PPP1R3B: variants seen among roughly 807,000 people sequenced by gnomAD.
PPP1R3B encodes protein phosphatase 1 regulatory subunit 3B.
In PPP1R3B, 8 loss-of-function variants were observed where a neutral mutation model predicts 14.6. The observed-to-expected ratio is 0.55, with a 90% CI of 0.32 to 0.99. The LOEUF (loss-of-function observed/expected upper bound fraction) is 0.99, where lower values mean the gene tolerates loss of function less well. Among genes scored for constraint, PPP1R3B ranks in the 50% least tolerant of loss-of-function variants. The probability of loss-of-function intolerance (pLI) is 0.04; values close to 1 mark genes in which losing one functional copy is unlikely to be tolerated. For missense variants in PPP1R3B, 452 were observed against 360.1 expected, an observed-to-expected ratio of 1.26 and a Z score of -2.07; for synonymous variants, 169 against 142.0, an observed-to-expected ratio of 1.19 and a Z score of -1.35.
chr8:9,136,961 C>G lies in PPP1R3B; in HGVS notation c.*3833G>C, dbSNP rs1003819652. 2 of 152,094 alleles carry G rather than the reference C, an allele frequency of 1.3e-5. No individual in the cohort carries two copies. The highest frequency in any genetic ancestry group is 4.8e-5 in the African/African-American group (2 of 41,406). 9.4% of individuals were successfully genotyped at this position (152,094 alleles called of 1,614,324 possible). A position where few individuals can be genotyped will look rare whatever the true frequency, so the allele number is the denominator to read the frequency against. ...TAATGTCCATGACTACAACTAATGC[C>G]TTTTTTCAAAAAGAAAATGGTTTGA... On this transcript the variant is annotated 3_prime_UTR_variant, in exon 2 of 2. Coordinates refer to ENST00000310455, the MANE Select transcript of PPP1R3B (RefSeq NM_024607.4).
chr8:9,149,219 G>A (rs1436408783), intron 1 of PPP1R3B, among the ~76,000 whole-genome samples: 7 of 132,952 alleles, frequency 5.3e-5, no homozygotes, highest in African/African-American at 2.0e-4. Context: ...GGCAAAAAAA[G>A]GCCGGGCGTG....
intron 1 of PPP1R3B, among the ~76,000 whole-genome samples, chr8:9,143,701 A>C (rs963741225): frequency 2.6e-5 from 4 of 151,776 alleles, no homozygotes; most frequent in African/African-American, 9.7e-5. Flanking sequence ...GTCTCAAAAA[A>C]AATAAAAATA....
intron 1 of PPP1R3B, among the ~76,000 whole-genome samples, chr8:9,142,664 C>G (rs1392269792): frequency 6.6e-6 from 1 of 152,110 alleles, no homozygotes; most frequent in African/African-American, 2.4e-5. Context: ...AAGGATACCT[C>G]TCCAGTCCCT....
In PPP1R3B at chr8:9,141,555, G is replaced by A. The variant is rs1482514765; in HGVS notation, c.97C>T (p.Pro33Ser). The change falls in exon 2 of 2, where the codon CCA becomes TCA. Residue 33 changes from proline to serine, a missense_variant. Pro to Ser is a moderately conservative substitution (Grantham distance 74). Transcript: ENST00000310455. ...CTCAGCTGAATACAAGGCCTCAGTG[G>A]TTTGCTGGGCTTTGGTGAGATCTTA... ...AFKISPKPSK[P>S]LRPCIQLSSK... 6.2e-7 allele frequency: 1 copy of A among 1,614,162 alleles called. No individual in the cohort carries two copies.
In PPP1R3B at chr8:9,139,844, C is replaced by G. The variant is rs1416497855; in HGVS notation, c.*950G>C. The G allele has an allele frequency of 1.3e-5, 2 of 152,230 alleles. No individual in the cohort carries two copies. The highest frequency in any genetic ancestry group is 4.8e-5 in the African/African-American group (2 of 41,446). 9.4% of individuals were successfully genotyped at this position (152,230 alleles called of 1,614,324 possible). ...GATTACAGGCATAAGCCACCGCGCCCGGCCCCAAAATTCTTTCATAAAGAA... is the reference window on the plus strand; with the variant it reads ...GATTACAGGCATAAGCCACCGCGCCGGGCCCCAAAATTCTTTCATAAAGAA... On this transcript the variant is annotated 3_prime_UTR_variant, in exon 2 of 2. Coordinates refer to ENST00000310455, the MANE Select transcript of PPP1R3B (RefSeq NM_024607.4).
intron 1 of PPP1R3B, among the ~76,000 whole-genome samples, chr8:9,144,742 G>C (rs911289784): frequency 9.2e-5 from 14 of 152,024 alleles, no homozygotes; most frequent in African/African-American, 3.4e-4. Flanking sequence ...TATTTTTACT[G>C]TTGTTATTTT....
intron 1 of PPP1R3B, among the ~76,000 whole-genome samples, chr8:9,148,471 G>C (rs1801308178): frequency 6.6e-6 from 1 of 152,196 alleles, no homozygotes; most frequent in African/African-American, 2.4e-5. Flanking sequence ...TGCAGGATAG[G>C]AATGAGTGTA....
rs1348382643 is a variant in PPP1R3B at position 9,139,873 on chromosome 8, G to C, written c.*921C>G. On this transcript the variant is annotated 3_prime_UTR_variant, in exon 2 of 2. Transcript: ENST00000310455. Reference sequence around the variant, plus strand: ...CCCAAAATTCTTTCATAAAGAATGAGACAAACCAGCCAAGCACGTTAAAGT... The same window carrying C: ...CCCAAAATTCTTTCATAAAGAATGACACAAACCAGCCAAGCACGTTAAAGT... 5 of 152,192 alleles carry C rather than the reference G, an allele frequency of 3.3e-5. No individual in the cohort carries two copies. Among genetic ancestry groups the C allele is most frequent in the Non-Finnish European group, 7.3e-5 (5 of 68,062 alleles). The allele number at this position is 152,192 out of a possible 1,614,324, so 9.4% of individuals were successfully genotyped here.
intron 1 of PPP1R3B, among the ~76,000 whole-genome samples, chr8:9,142,122 G>A (rs1801110012): frequency 6.6e-6 from 1 of 152,228 alleles, no homozygotes; most frequent in African/African-American, 2.4e-5. Context: ...TTTAGAGATA[G>A]GGTGTTGCTC....
At chr8:9,143,012 G>A (rs1801134154) in intron 1 of PPP1R3B, among the ~76,000 whole-genome samples, 1 of 152,126 alleles carries the variant, frequency 6.6e-6, no homozygotes, top group South Asian at 2.1e-4. Context: ...CAATTCCTTT[G>A]GATATATGTC....
At position 9,136,588 on chromosome 8, in the gene PPP1R3B, C is replaced by T. The variant is rs1184826025; in HGVS notation, c.*4206G>A. The stretch of plus-strand genomic sequence containing the variant: ...CGGCTTTACAATGTGGGTTACAGAG[C>T]TTTACAACCATGACCAGGAAAAACT... On this transcript the variant is annotated 3_prime_UTR_variant, in exon 2 of 2. Transcript: ENST00000310455. The T allele has an allele frequency of 6.6e-6, 1 of 152,210 alleles. No individual in the cohort carries two copies. Among genetic ancestry groups the T allele is most frequent in the African/African-American group, 2.4e-5 (1 of 41,456 alleles). The allele number at this position is 152,210 out of a possible 1,614,324, so 9.4% of individuals were successfully genotyped here. A position where few individuals can be genotyped will look rare whatever the true frequency, so the allele number is the denominator to read the frequency against.
intron 1 of PPP1R3B, among the ~76,000 whole-genome samples, chr8:9,144,284 C>T (rs1039865711): frequency 1.3e-5 from 2 of 151,152 alleles, no homozygotes; most frequent in South Asian, 2.1e-4. Flanking sequence ...ACCTCCTGGG[C>T]TCAAGCGGTC....
At chr8:9,148,159 C>T (rs1042376677) in intron 1 of PPP1R3B, among the ~76,000 whole-genome samples, 1 of 152,126 alleles carries the variant, frequency 6.6e-6, no homozygotes, top group Non-Finnish European at 1.5e-5. Context: ...GGATGGCTGC[C>T]GCCATGCAGA....
rs1243211902 is a variant in PPP1R3B at position 9,136,711 on chromosome 8, A to G, written c.*4083T>C. On this transcript the variant is annotated 3_prime_UTR_variant, in exon 2 of 2. Transcript: ENST00000310455. ...AATTGTCTTTGTGTGACCCTATAAG[A>G]TCCCATCATCCATGTAACTTCTTGT... 2 of 152,228 alleles carry G rather than the reference A, an allele frequency of 1.3e-5. No homozygotes were observed. Among genetic ancestry groups the G allele is most frequent in the African/African-American group, 4.8e-5 (2 of 41,462 alleles). 9.4% of individuals were successfully genotyped at this position (152,228 alleles called of 1,614,324 possible).
At chr8:9,151,539 C>G (rs1456769053), upstream of PPP1R3B, 1 of 228,642 alleles carries the variant, frequency 4.4e-6, no homozygotes. Flanking sequence ...ACCCGGGACT[C>G]GAGCTCCCCG....
upstream of PPP1R3B, chr8:9,150,769 C>T (rs1563130641): frequency 6.6e-6 from 1 of 152,340 alleles, no homozygotes; most frequent in African/African-American, 2.4e-5. Flanking sequence ...AGGGGCAACC[C>T]CGGCCGGAGC....
Position 9,139,009 on chromosome 8 carries a change from C to G in PPP1R3B, c.*1785G>C, listed in dbSNP as rs1293900311. ...TCTCGGCTCACTGCAACCTCCACCT[C>G]CTGGGTTCAAGTGATTCTCCTGCCT... On this transcript the variant is annotated 3_prime_UTR_variant, in exon 2 of 2. Transcript: ENST00000310455. The G allele has an allele frequency of 1.3e-5, 2 of 152,232 alleles. No homozygotes were observed. Among genetic ancestry groups the G allele is most frequent in the African/African-American group, 4.8e-5 (2 of 41,444 alleles). 9.4% of individuals were successfully genotyped at this position (152,232 alleles called of 1,614,324 possible). A position where few individuals can be genotyped will look rare whatever the true frequency, so the allele number is the denominator to read the frequency against.
Position 9,140,896 on chromosome 8 carries a change from C to T in PPP1R3B, c.756G>A (p.Leu252=). The T allele has an allele frequency of 1.9e-6, 3 of 1,614,220 alleles. No homozygotes were observed. Among genetic ancestry groups the T allele is most frequent in the Non-Finnish European group, 2.5e-6 (3 of 1,180,028 alleles). ...GMTKPHSGPD[L]GISFDQFGSP... ...TTCCGAACTGGTCAAAGGATATTCC[C>T]AAATCCGGTCCACTGTGGGGCTTGG... is the stretch of plus-strand genomic sequence containing the variant. Residue 252 remains leucine, a synonymous_variant, in exon 2 of 2, where the codon TTG becomes TTA. Transcript: ENST00000310455.
intron 1 of PPP1R3B, among the ~76,000 whole-genome samples, chr8:9,146,936 C>G (rs903799093): frequency 6.6e-6 from 1 of 151,818 alleles, no homozygotes; most frequent in Admixed American, 6.6e-5. Flanking sequence ...GGAATTATAC[C>G]CTCAGCTCTA....
Sources: gnomAD v4.1 joint callset for allele counts (sites outside exome capture counted in the v4.1 genomes callset) on GRCh38, gnomAD v4.1.1 for gene constraint, MANE v1.5 for transcripts, NCBI Gene and HGNC (gene_info 2026-07-23, HGNC 2026-07-21) for gene names.